The following SDCCAG8 variants were observed in gnomAD, a reference collection of about 807,000 sequenced individuals.
The protein encoded by SDCCAG8 is serologically defined colon cancer antigen 8.
Under a neutral mutation model 101.8 loss-of-function variants are expected in SDCCAG8, and 74 were observed. The observed-to-expected ratio is 0.73, with a 90% CI of 0.60 to 0.88. The LOEUF is 0.88. Among genes scored for constraint, SDCCAG8 ranks in the 40% least tolerant of loss-of-function variants. The pLI is 0.00. For synonymous variants in SDCCAG8, 281 were observed against 292.9 expected, an observed-to-expected ratio of 0.96 and a Z score of 0.41; for missense variants, 787 against 822.6, an observed-to-expected ratio of 0.96 and a Z score of 0.53.
rs1486624208 is a variant in SDCCAG8 at position 243,416,585 on chromosome 1, AC to A, written c.1744+757del. ...TGGCTAAAAATTGCCATCTTTCATC[AC>A]ATTGGCACTATTCTGCAGACTGAGT... On this transcript the variant is annotated intron_variant, in intron 14 of 17. Coordinates refer to ENST00000366541, the MANE Select transcript of SDCCAG8 (RefSeq NM_006642.5). The surrounding 1 kb of genome is among the most constrained non-coding windows in gnomAD (Gnocchi z 4.3). Among the ~76,000 whole-genome samples, 4 of 152,216 alleles carry A rather than the reference AC, an allele frequency of 2.6e-5. No individual in the cohort carries two copies. The highest frequency in any genetic ancestry group is 5.9e-5 in the Non-Finnish European group (4 of 68,030).
intron 13 of SDCCAG8, among the ~76,000 whole-genome samples, chr1:243,386,710 G>A (rs552965912): frequency 6.0e-4 from 91 of 152,046 alleles, no homozygotes; most frequent in African/African-American, 2.0e-3. Context: ...CCGAGATTGC[G>A]CCACTGCACT....
In SDCCAG8 at chr1:243,256,077, A is replaced by G. The variant is rs2066622183; in HGVS notation, c.-97A>G. The G allele has an allele frequency of 1.8e-6, 2 of 1,132,660 alleles. No individual in the cohort carries two copies. Among genetic ancestry groups the G allele is most frequent in the African/African-American group, 1.5e-5 (1 of 65,660 alleles). 70.2% of individuals were successfully genotyped at this position (1,132,660 alleles called of 1,614,324 possible). On this transcript the variant is annotated 5_prime_UTR_variant, in exon 1 of 18. Transcript: ENST00000366541. ...CCCTGTGACAGCCGCGGCAGGAAGC[A>G]GGCGGGCGCTCCCCGGCCACAGGCC... is the stretch of plus-strand genomic sequence containing the variant.
intron 9 of SDCCAG8, 91 bp from the exon 10 acceptor site, chr1:243,330,449 A>G: frequency 7.4e-7 from 1 of 1,347,268 alleles, no homozygotes; most frequent in Non-Finnish European, 1.0e-6. Context: ...AGTTTTTGCT[A>G]TTTTAAATAT....
intron 17 of SDCCAG8, among the ~76,000 whole-genome samples, chr1:243,495,631 A>G (rs1208985029): frequency 6.6e-6 from 1 of 152,188 alleles, no homozygotes; most frequent in Non-Finnish European, 1.5e-5. Context: ...TGGGGACAGC[A>G]GGGCCGCAGG....
chr1:243,496,282 G>C (rs1337199644), intron 17 of SDCCAG8, among the ~76,000 whole-genome samples: 1 of 152,198 alleles, frequency 6.6e-6, no homozygotes, highest in Non-Finnish European at 1.5e-5. Flanking sequence ...GGCGGAGCCG[G>C]GCCTGGCTGG....
intron 9 of SDCCAG8, among the ~76,000 whole-genome samples, chr1:243,318,848 T>C (rs2073498667): frequency 6.6e-6 from 1 of 152,222 alleles, no homozygotes; most frequent in Non-Finnish European, 1.5e-5. Context: ...TTTTGGCACT[T>C]ACTCTCAGGT....
At chr1:243,295,446 C>A (rs963199429) in intron 6 of SDCCAG8, among the ~76,000 whole-genome samples, 2 of 151,998 alleles carry the variant, frequency 1.3e-5, no homozygotes, top group East Asian at 3.9e-4. Flanking sequence ...CTATGTTGGC[C>A]AGGCTGGTCT....
chr1:243,475,282 G>T (rs1193014667), intron 16 of SDCCAG8, among the ~76,000 whole-genome samples: 1 of 152,224 alleles, frequency 6.6e-6, no homozygotes, highest in African/African-American at 2.4e-5. Context: ...GGTTTAGCAT[G>T]TCTGGGGCGG....
chr1:243,266,217 A>G (rs2067569438), intron 1 of SDCCAG8, among the ~76,000 whole-genome samples: 1 of 152,184 alleles, frequency 6.6e-6, no homozygotes, highest in Admixed American at 6.5e-5. Context: ...ATTATTAAGT[A>G]TATGCACCAC....
intron 13 of SDCCAG8, among the ~76,000 whole-genome samples, chr1:243,410,321 C>T (rs2080083247): frequency 6.6e-6 from 1 of 152,184 alleles, no homozygotes; most frequent in East Asian, 1.9e-4. Flanking sequence ...AAGCTAATAG[C>T]ACCAATATTG....
At chr1:243,383,958 T>C (rs2078113491) in intron 13 of SDCCAG8, among the ~76,000 whole-genome samples, 1 of 152,140 alleles carries the variant, frequency 6.6e-6, no homozygotes, top group Admixed American at 6.5e-5. Context: ...CTTACCTTCT[T>C]ACCAAGGTCT....
At chr1:243,331,131 G>A (rs1250025644) in intron 10 of SDCCAG8, among the ~76,000 whole-genome samples, 1 of 152,178 alleles carries the variant, frequency 6.6e-6, no homozygotes, top group Non-Finnish European at 1.5e-5. Flanking sequence ...CCAAGAAAAA[G>A]TGATTATGCA....
intron 12 of SDCCAG8, among the ~76,000 whole-genome samples, chr1:243,370,815 C>T (rs1421796169): frequency 6.6e-6 from 1 of 151,998 alleles, no homozygotes; most frequent in Non-Finnish European, 1.5e-5. Flanking sequence ...TCTTAAAATT[C>T]CTTAAAGAAT....
chr1:243,344,147 A>T, intron 11 of SDCCAG8, 68 bp from the exon 12 acceptor site: 1 of 1,289,402 alleles, frequency 7.8e-7, no homozygotes, highest in Non-Finnish European at 1.1e-6. Flanking sequence ...GGGCACCAAA[A>T]GATCTAATTG....
chr1:243,291,163 C>T (rs970581914), intron 5 of SDCCAG8, among the ~76,000 whole-genome samples: 1 of 152,178 alleles, frequency 6.6e-6, no homozygotes, highest in Non-Finnish European at 1.5e-5. Context: ...ACTACCATAT[C>T]CTTTGGCCCT....
intron 4 of SDCCAG8, among the ~76,000 whole-genome samples, chr1:243,281,218 A>G (rs145146537): frequency 3.4e-4 from 51 of 151,288 alleles, no homozygotes; most frequent in African/African-American, 1.2e-3. Flanking sequence ...TAGTGTTAAC[A>G]TGATACATCT....
intron 9 of SDCCAG8, among the ~76,000 whole-genome samples, chr1:243,321,869 G>A (rs1415629119): frequency 6.6e-6 from 1 of 152,202 alleles, no homozygotes; most frequent in Non-Finnish European, 1.5e-5. Context: ...GGCTGGTATT[G>A]AACTCCTGAC....
intron 9 of SDCCAG8, chr1:243,318,159 G>GAATAGTA: frequency 4.5e-6 from 2 of 445,666 alleles, no homozygotes; most frequent in Non-Finnish European, 4.5e-6. Context: ...GGACACCATG[G>GAATAGTA]AATAGTATGC....
At chr1:243,267,558 C>A (rs1487235592) in intron 1 of SDCCAG8, 1 of 450,234 alleles carries the variant, frequency 2.2e-6, no homozygotes, top group East Asian at 4.9e-5. Flanking sequence ...GCCGAGATTG[C>A]GCCATCGCAC....
Sources: gnomAD v4.1 joint callset for allele counts (sites outside exome capture counted in the v4.1 genomes callset) on GRCh38, gnomAD v4.1.1 for gene constraint, Gnocchi (gnomAD v3.1) non-coding constraint, MANE v1.5 for transcripts, NCBI Gene and HGNC (gene_info 2026-07-23, HGNC 2026-07-21) for gene names.